The following CRYBA4 variants were observed in gnomAD, a reference collection of about 807,000 sequenced individuals.
The protein encoded by CRYBA4 is crystallin beta A4.
In CRYBA4, 30 loss-of-function variants were observed where a neutral mutation model predicts 31.7. The ratio of observed to expected loss-of-function variants is 0.95; its 90% CI spans 0.71 to 1.28. The LOEUF (loss-of-function observed/expected upper bound fraction) is 1.28. CRYBA4 is among the 50% of genes most tolerant of loss of function. The pLI, the probability that CRYBA4 is intolerant of heterozygous loss-of-function variation, is 0.00. For synonymous variants in CRYBA4, 102 were observed against 102.3 expected (o/e 1.00, Z 0.02); for missense variants, 225 against 260.7 (o/e 0.86, Z 0.94).
At chr22:26,600,464 A>C in the CRYBA4 span, among the ~76,000 whole-genome samples, 5 of 152,312 alleles carry the variant, frequency 3.3e-5, no homozygotes, top group East Asian at 7.7e-4. Flanking sequence ...CTGGGAACAC[A>C]TACTCTGGTA....
chr22:26,600,513 A>G, the CRYBA4 span, among the ~76,000 whole-genome samples: 1 of 152,176 alleles, frequency 6.6e-6, no homozygotes, highest in South Asian at 2.1e-4. Flanking sequence ...TCTGCCATTG[A>G]TTTACTAGCT....
At position 26,630,233 on chromosome 22, in the gene CRYBA4, G is replaced by A; in HGVS notation, c.444-107G>A. ...GGCACATTGTGAGCACTGAAGAAAG[G>A]CCAGGATGGCTGGAATTGTGTGCGT... On this transcript the variant is annotated intron_variant, in intron 5 of 5. Transcript: ENST00000354760. 5 of 1,445,096 alleles carry A rather than the reference G, an allele frequency of 3.5e-6. No homozygotes were observed. In the South Asian group the frequency reaches 4.8e-5, roughly 14 times the overall value. 89.5% of individuals were successfully genotyped at this position (1,445,096 alleles called of 1,614,324 possible). A position where few individuals can be genotyped will look rare whatever the true frequency, so the allele number is the denominator to read the frequency against.
the CRYBA4 span, chr22:26,599,591 C>A: frequency 6.2e-7 from 1 of 1,614,164 alleles, no homozygotes; most frequent in Non-Finnish European, 8.5e-7. Flanking sequence ...TGGAAGGCTC[C>A]CCACTCATTC....
At chr22:26,616,391 C>T in the CRYBA4 span, 14 of 1,198,780 alleles carry the variant, frequency 1.2e-5, no homozygotes, top group African/African-American at 2.1e-4. Flanking sequence ...GCCTCCTGCC[C>T]TCATAGCCCC....
chr22:26,624,202 A>C lies in CRYBA4; in HGVS notation c.158+850A>C, dbSNP rs573390771. 2.6e-5 allele frequency among the ~76,000 whole-genome samples: 4 copies of C among 152,196 alleles called. No homozygotes were observed. The East Asian group carries it at 7.7e-4, about 29-fold the overall frequency. ...GCCAGTAGCTACCATATTGGATAGA[A>C]GTTTCTAGAAGGCAGGAAAGTAAAT... On this transcript the variant is annotated intron_variant, in intron 3 of 5. Transcript: ENST00000354760.
chr22:26,620,038 T>A, upstream of CRYBA4, among the ~76,000 whole-genome samples: 1 of 150,884 alleles, frequency 6.6e-6, no homozygotes. Context: ...TACTCCTCAG[T>A]ATAAGGATGA....
At chr22:26,624,396 A>T (rs570187839) in intron 3 of CRYBA4, among the ~76,000 whole-genome samples, 2 of 152,320 alleles carry the variant, frequency 1.3e-5, no homozygotes, top group Admixed American at 1.3e-4. Context: ...ATTGGATAGA[A>T]GGTTCTAGAA....
the CRYBA4 span, among the ~76,000 whole-genome samples, chr22:26,604,491 A>G: frequency 6.6e-6 from 1 of 152,256 alleles, no homozygotes; most frequent in East Asian, 1.9e-4. Flanking sequence ...AGATGAAGAA[A>G]GAACTGGTTA....
the CRYBA4 span, among the ~76,000 whole-genome samples, chr22:26,610,202 T>C: frequency 6.6e-6 from 1 of 152,202 alleles, no homozygotes; most frequent in Admixed American, 6.5e-5. Flanking sequence ...TTTTAATTTA[T>C]AAGATATGGA....
chr22:26,597,620 G>T, the CRYBA4 span, among the ~76,000 whole-genome samples: 99 of 152,100 alleles, frequency 6.5e-4, 1 homozygote, highest in Middle Eastern at 6.8e-3. Context: ...TAGCAACCCC[G>T]ACACCCCGTT....
the CRYBA4 span, chr22:26,616,240 G>A: frequency 6.2e-7 from 1 of 1,614,034 alleles, no homozygotes; most frequent in African/African-American, 1.3e-5. Flanking sequence ...TCCTGCAGGT[G>A]GGGCCCCCTT....
the CRYBA4 span, among the ~76,000 whole-genome samples, chr22:26,597,619 C>T: frequency 1.2e-4 from 18 of 152,194 alleles, no homozygotes; most frequent in African/African-American, 3.9e-4. Flanking sequence ...ATAGCAACCC[C>T]GACACCCCGT....
At chr22:26,611,975 C>T in the CRYBA4 span, 3 of 886,790 alleles carry the variant, frequency 3.4e-6, no homozygotes, top group Admixed American at 3.4e-5. Context: ...GTACGAACGG[C>T]CGCAGGCACA....
the CRYBA4 span, among the ~76,000 whole-genome samples, chr22:26,599,047 A>G: frequency 6.6e-6 from 1 of 152,178 alleles, no homozygotes; most frequent in Admixed American, 6.5e-5. Context: ...AAGGCCAAGT[A>G]CTTGTCCTCC....
At chr22:26,627,634 T>C (rs5761638) in intron 4 of CRYBA4, among the ~76,000 whole-genome samples, 6 of 131,782 alleles carry the variant, frequency 4.6e-5, no homozygotes, top group South Asian at 2.5e-4. Context: ...CCTTCCTTCC[T>C]TCTCTCTCTC....
At chr22:26,596,299 G>C in the CRYBA4 span, among the ~76,000 whole-genome samples, 1 of 151,950 alleles carries the variant, frequency 6.6e-6, no homozygotes, top group African/African-American at 2.4e-5. Flanking sequence ...GCTTCACCAT[G>C]TTGACCAGGC....
rs773249225 is a variant in CRYBA4 at position 26,623,328 on chromosome 22, G to A, written c.134G>A (p.Arg45Gln). 2.5e-5 allele frequency: 41 copies of A among 1,613,930 alleles called. No homozygotes were observed. Among genetic ancestry groups the A allele is most frequent in the African/African-American group, 6.7e-5 (5 of 74,914 alleles). ...CTGGAGCTTGGCTTCGAGACTGTGCGATCTTTGAAAGTGCTGAGTGGAGCG... is the reference window on the plus strand; with the variant it reads ...CTGGAGCTTGGCTTCGAGACTGTGCAATCTTTGAAAGTGCTGAGTGGAGCG... ...SVLELGFETV[R>Q]SLKVLSGAWV... Residue 45 changes from arginine (R) to glutamine (Q), a missense_variant, in exon 3 of 6, where the codon CGA (arginine) becomes CAA (glutamine). Transcript: ENST00000354760.
chr22:26,613,342 A>G, the CRYBA4 span, among the ~76,000 whole-genome samples: 1 of 152,008 alleles, frequency 6.6e-6, no homozygotes, highest in Non-Finnish European at 1.5e-5. Flanking sequence ...CAGCACTTCC[A>G]CTTCTACCTT....
the CRYBA4 span, chr22:26,602,131 G>C: frequency 1.3e-5 from 18 of 1,378,304 alleles, no homozygotes; most frequent in Non-Finnish European, 1.7e-5. Context: ...TGTTCAGGCT[G>C]CTGGGGGACT....
Sources: gnomAD v4.1 joint callset for allele counts (sites outside exome capture counted in the v4.1 genomes callset) on GRCh38, gnomAD v4.1.1 for gene constraint, MANE v1.5 for transcripts, NCBI Gene and HGNC (gene_info 2026-07-23, HGNC 2026-07-21) for gene names.